AXDND1: variants seen among roughly 807,000 people sequenced by gnomAD.
The protein encoded by AXDND1 is axonemal dynein light chain domain containing 1.
In AXDND1, 110 loss-of-function variants were observed where a neutral mutation model predicts 137.5. The ratio of observed to expected loss-of-function variants is 0.80; its 90% CI spans 0.69 to 0.94. The LOEUF is 0.94. Ranked by LOEUF, AXDND1 falls within the 40% of genes least tolerant of loss-of-function variation. The pLI, the probability that AXDND1 is intolerant of heterozygous loss-of-function variation, is 0.00. For missense variants in AXDND1, 1,191 were observed against 1,169.8 expected, an observed-to-expected ratio of 1.02 and a Z score of -0.26; for synonymous variants, 414 against 399.7, an observed-to-expected ratio of 1.04 and a Z score of -0.43.
chr1:179,444,924 C>T (rs1659513326), intron 15 of AXDND1, 46 bp from the exon 16 acceptor site: 11 of 1,362,752 alleles, frequency 8.1e-6, no homozygotes, highest in Non-Finnish European at 1.1e-5. Flanking sequence ...TTGATAAACT[C>T]ATTAGTGGAT....
chr1:179,551,259 T>C (rs773755270), intron 25 of AXDND1: 4 of 1,614,002 alleles, frequency 2.5e-6, no homozygotes, highest in Non-Finnish European at 3.4e-6. Context: ...CCCTGAGTTC[T>C]GTTGCTGGGA....
At chr1:179,495,225 C>T (rs945690594) in intron 20 of AXDND1, among the ~76,000 whole-genome samples, 3 of 152,190 alleles carry the variant, frequency 2.0e-5, no homozygotes, top group South Asian at 2.1e-4. Context: ...TATCAATTTC[C>T]TCAAGAAACC....
intron 20 of AXDND1, among the ~76,000 whole-genome samples, chr1:179,505,478 C>T (rs939336019): frequency 2.0e-5 from 3 of 151,934 alleles, no homozygotes; most frequent in African/African-American, 7.3e-5. Flanking sequence ...CATGGTGAAA[C>T]TGTGTCTGTA....
chr1:179,456,540 T>TA, intron 16 of AXDND1: 1 of 777,120 alleles, frequency 1.3e-6, no homozygotes, highest in Non-Finnish European at 2.4e-6. Context: ...AACACTTCCA[T>TA]AGCCTCTGCT....
intron 9 of AXDND1, among the ~76,000 whole-genome samples, chr1:179,389,282 A>C (rs1253639512): frequency 8.6e-5 from 13 of 152,028 alleles, no homozygotes; most frequent in Admixed American, 5.2e-4. Flanking sequence ...CCATTTTTAG[A>C]TTCTAACTTT....
intron 24 of AXDND1, 167 bp from the exon 25 acceptor site, chr1:179,534,563 G>A (rs6425571): frequency 0.33 from 230,327 of 699,126 alleles, 40,010 homozygotes; most frequent in Middle Eastern, 0.39. Context: ...ATTCAGAGTC[G>A]CTCCTGGGCC....
chr1:179,370,907 A>G (rs72717536), intron 4 of AXDND1, among the ~76,000 whole-genome samples: 10,606 of 152,284 alleles, frequency 0.07, 429 homozygotes, highest in African/African-American at 0.094. Flanking sequence ...TTGTAAAACT[A>G]TAATGTGCTA....
upstream of AXDND1, chr1:179,365,706 A>G (rs1378715368): frequency 2.0e-5 from 3 of 152,318 alleles, no homozygotes; most frequent in Non-Finnish European, 4.4e-5. Flanking sequence ...GCTAACCCCC[A>G]CCGGCGCCTG....
chr1:179,387,359 G>A (rs558672789), intron 9 of AXDND1, among the ~76,000 whole-genome samples: 1 of 152,172 alleles, frequency 6.6e-6, no homozygotes, highest in African/African-American at 2.4e-5. Flanking sequence ...GTGAGAGAGA[G>A]AGAAAGAGGG....
intron 9 of AXDND1, among the ~76,000 whole-genome samples, chr1:179,393,316 G>C (rs7515710): frequency 6.6e-6 from 1 of 151,916 alleles, no homozygotes; most frequent in African/African-American, 2.4e-5. Flanking sequence ...AGTCTGTTCC[G>C]TTGGTCTATG....
chr1:179,446,234 G>A (rs1420299477), intron 16 of AXDND1, among the ~76,000 whole-genome samples: 1 of 152,004 alleles, frequency 6.6e-6, no homozygotes, highest in African/African-American at 2.4e-5. Context: ...ATTTTCTAAG[G>A]TTTCATACTA....
At position 179,534,780 on chromosome 1, in the gene AXDND1, A is replaced by G. The variant is rs1243241774; in HGVS notation, c.2849A>G (p.Tyr950Cys). 3 of 1,601,648 alleles carry G rather than the reference A, an allele frequency of 1.9e-6. No homozygotes were observed. Among genetic ancestry groups the G allele is most frequent in the African/African-American group, 2.7e-5 (2 of 73,998 alleles). Reference protein sequence around the residue: ...RQAEEKFEDAYEKLHHTLIKN... With the variant: ...RQAEEKFEDACEKLHHTLIKN... ...GCAGAGGAGAAGTTTGAAGATGCATATGAGAAACTTCATCATACCCTTATA... is the reference window on the plus strand; with the variant it reads ...GCAGAGGAGAAGTTTGAAGATGCATGTGAGAAACTTCATCATACCCTTATA... The change falls in exon 25 of 26, where the codon TAT becomes TGT. Residue 950 changes from tyrosine to cysteine, a missense_variant. By Grantham distance (194) the Tyr-to-Cys change is radical. Coordinates refer to ENST00000367618, the MANE Select transcript of AXDND1 (RefSeq NM_144696.6).
Position 179,382,681 on chromosome 1 carries a change from C to A in AXDND1, c.582-19C>A, listed in dbSNP as rs1180165730. On this transcript the variant is annotated intron_variant, in intron 6 of 25. Transcript: ENST00000367618. ...GAAAATTTTCTTAAAATAACATTTA[C>A]CTATCTTATTTATTGTAGCAAATAC... 3 of 1,571,194 alleles carry A rather than the reference C, an allele frequency of 1.9e-6. No homozygotes were observed. The highest frequency in any genetic ancestry group is 3.4e-5 in the Admixed American group (2 of 58,770).
At chr1:179,425,129 G>T (rs756173821) in intron 12 of AXDND1, among the ~76,000 whole-genome samples, 3 of 152,148 alleles carry the variant, frequency 2.0e-5, no homozygotes, top group Non-Finnish European at 4.4e-5. Flanking sequence ...TGAAGGTTTA[G>T]TTATTTATTC....
At position 179,429,622 on chromosome 1, in the gene AXDND1, A is replaced by G. The variant is rs1476079718; in HGVS notation, c.1332+3A>G. On this transcript the variant is annotated splice_donor_region_variant and intron_variant, in intron 13 of 25. Transcript: ENST00000367618. ...TCATCATACTGCTATCAAACAAGGT[A>G]AAGGTCAATTATCTTCAGTTATGGG... 5 of 1,536,498 alleles carry G rather than the reference A, an allele frequency of 3.3e-6. No individual in the cohort carries two copies. Among genetic ancestry groups the G allele is most frequent in the Non-Finnish European group, 4.4e-6 (5 of 1,140,480 alleles).
Position 179,417,568 on chromosome 1 carries a change from C to T in AXDND1, c.1230+6302C>T, listed in dbSNP as rs1307969979. Among the ~76,000 whole-genome samples the T allele has an allele frequency of 2.0e-5, 3 of 152,112 alleles. No individual in the cohort carries two copies. In the South Asian group the frequency reaches 6.2e-4, roughly 32 times the overall value. ...GGTCTAGTTTTATTGTTGCATTGGTCTGTGTGTCTGCTTTTATGCCATTAC... is the reference window on the plus strand; with the variant it reads ...GGTCTAGTTTTATTGTTGCATTGGTTTGTGTGTCTGCTTTTATGCCATTAC... On this transcript the variant is annotated intron_variant, in intron 12 of 25. Transcript: ENST00000367618.
intron 24 of AXDND1, 152 bp from the exon 25 acceptor site, chr1:179,534,578 G>A: frequency 2.1e-6 from 2 of 948,788 alleles, no homozygotes; most frequent in Non-Finnish European, 2.9e-6. Flanking sequence ...TGGGCCCCCA[G>A]TTCTCAGTTA....
At chr1:179,466,929 C>G (rs907244665) in intron 16 of AXDND1, among the ~76,000 whole-genome samples, 11 of 152,108 alleles carry the variant, frequency 7.2e-5, no homozygotes, top group Admixed American at 5.2e-4. Flanking sequence ...GAGGGCTGTT[C>G]TATTTCTGTT....
intron 16 of AXDND1, among the ~76,000 whole-genome samples, chr1:179,462,520 GTC>G (rs1234737602): frequency 2.0e-5 from 3 of 151,968 alleles, no homozygotes; most frequent in African/African-American, 7.3e-5. Flanking sequence ...TTTTTGTTGT[GTC>G]TCTGCCAGGC....
Sources: gnomAD v4.1 joint callset for allele counts (sites outside exome capture counted in the v4.1 genomes callset) on GRCh38, gnomAD v4.1.1 for gene constraint, MANE v1.5 for transcripts, NCBI Gene and HGNC (gene_info 2026-07-23, HGNC 2026-07-21) for gene names.